The following PRKCB variants were observed in gnomAD, a reference collection of about 807,000 sequenced individuals.
PRKCB encodes the protein protein kinase C beta.
In PRKCB, 13 loss-of-function variants were observed where a neutral mutation model predicts 81.5. That is an observed-to-expected ratio of 0.16 (90% CI 0.10 to 0.25). PRKCB has a LOEUF of 0.25. Among genes scored for constraint, PRKCB ranks in the 10% least tolerant of loss-of-function variants. The pLI is 1.00. For missense variants in PRKCB, 509 were observed against 875.7 expected (o/e 0.58, Z 5.29); for synonymous variants, 335 against 321.4 (o/e 1.04, Z -0.45).
Position 23,941,375 on chromosome 16 carries a change from A to G in PRKCB, c.206-47133A>G, listed in dbSNP as rs890710788. ...TTTTTAAAACATTTCTCTAGACCAT[A>G]GGGAAAAAGGACACTGTCTCACTTC... On this transcript the variant is annotated intron_variant, in intron 2 of 16. Transcript: ENST00000643927. Among the ~76,000 whole-genome samples, 5 of 152,240 alleles carry G rather than the reference A, an allele frequency of 3.3e-5. No individual in the cohort carries two copies. The South Asian group carries it at 1.0e-3, about 32-fold the overall frequency.
chr16:24,126,076 G>C (rs1189436744), intron 9 of PRKCB, among the ~76,000 whole-genome samples: 1 of 152,216 alleles, frequency 6.6e-6, no homozygotes, highest in Non-Finnish European at 1.5e-5. Flanking sequence ...TCTGGGAAGA[G>C]AGATGTCCAC....
chr16:24,158,588 ATGTATATG>A (rs1479840772), intron 10 of PRKCB, among the ~76,000 whole-genome samples: 17 of 146,044 alleles, frequency 1.2e-4, no homozygotes, highest in African/African-American at 4.4e-4. Flanking sequence ...GTATATGTAT[ATGTATATG>A]TGTGTGTATG....
At chr16:23,976,528 T>C (rs1383601203) in intron 2 of PRKCB, among the ~76,000 whole-genome samples, 2 of 152,200 alleles carry the variant, frequency 1.3e-5, no homozygotes, top group Non-Finnish European at 2.9e-5. Flanking sequence ...CAGCCTTAGC[T>C]GGCCCACACA....
At chr16:23,976,297 CA>C (rs1204934230) in intron 2 of PRKCB, among the ~76,000 whole-genome samples, 1 of 151,744 alleles carries the variant, frequency 6.6e-6, no homozygotes, top group Admixed American at 6.6e-5. Flanking sequence ...GATTCTGTCT[CA>C]AAAAAACCCA....
chr16:24,003,604 C>T (rs781074575), intron 3 of PRKCB, among the ~76,000 whole-genome samples: 12 of 152,092 alleles, frequency 7.9e-5, no homozygotes, highest in Non-Finnish European at 1.5e-4. Flanking sequence ...AGGCTGGTCT[C>T]GAACTCCTGA....
At chr16:23,906,002 A>G (rs1229010495) in intron 2 of PRKCB, among the ~76,000 whole-genome samples, 1 of 152,176 alleles carries the variant, frequency 6.6e-6, no homozygotes, top group Non-Finnish European at 1.5e-5. Context: ...AGCTATTATA[A>G]ACAATAAGGT....
Position 24,214,918 on chromosome 16 carries a change from A to T in PRKCB, c.*102A>T. ...CATTGCCAAGTTGCATCCATGTTTG[A>T]TTTTCTGATGAGACTAGAGTGACAG... On this transcript the variant is annotated 3_prime_UTR_variant, in exon 17 of 17. Transcript: ENST00000643927. The T allele has an allele frequency of 6.5e-7, 1 of 1,549,986 alleles. No individual in the cohort carries two copies. Among genetic ancestry groups the T allele is most frequent in the Admixed American group, 1.8e-5 (1 of 55,430 alleles).
chr16:23,964,958 C>T (rs1418241069), intron 2 of PRKCB, among the ~76,000 whole-genome samples: 2 of 152,194 alleles, frequency 1.3e-5, no homozygotes, highest in East Asian at 3.9e-4. Flanking sequence ...GTGTGAGCTA[C>T]CATGCCTGGT....
intron 3 of PRKCB, among the ~76,000 whole-genome samples, chr16:24,021,041 T>TCCCTCCCTCCCTC (rs1965366833): frequency 1.8e-5 from 1 of 55,768 alleles, no homozygotes; most frequent in African/African-American, 7.8e-5. Flanking sequence ...TCTTTCTTTC[T>TCCCTCCCTCCCTC]CTTTCTTTCT....
At chr16:23,990,337 A>C (rs1319690398) in intron 3 of PRKCB, among the ~76,000 whole-genome samples, 1 of 152,004 alleles carries the variant, frequency 6.6e-6, no homozygotes, top group Non-Finnish European at 1.5e-5. Context: ...GGGCGCCTGT[A>C]GTCCTAGCTC....
chr16:24,084,915 C>T (rs966791767), intron 5 of PRKCB, among the ~76,000 whole-genome samples: 3 of 152,068 alleles, frequency 2.0e-5, no homozygotes, highest in Non-Finnish European at 2.9e-5. Flanking sequence ...CATGAAGCCC[C>T]TATGTGTGAC....
Position 23,836,061 on chromosome 16 carries a change from CCCGCGGCCCCGGGTGCAGCAGCGG to C in PRKCB, c.-110_-87del, listed in dbSNP as rs1417259806. The C allele has an allele frequency of 2.6e-6, 2 of 763,018 alleles. No individual in the cohort carries two copies. Among genetic ancestry groups the C allele is most frequent in the African/African-American group, 3.8e-5 (2 of 52,342 alleles). 47.3% of individuals were successfully genotyped at this position (763,018 alleles called of 1,614,324 possible). A position where few individuals can be genotyped will look rare whatever the true frequency, so the allele number is the denominator to read the frequency against. On this transcript the variant is annotated 5_prime_UTR_variant, in exon 1 of 17. Transcript: ENST00000643927. ...CGCCAGAGCCGGCGCAGGGGAAGCG[CCCGCGGCCCCGGGTGCAGCAGCGG>C]CCGCCGCCTCCCGCGCCTCCCCGGC...
intron 3 of PRKCB, among the ~76,000 whole-genome samples, chr16:24,015,367 C>G (rs970486807): frequency 6.6e-6 from 1 of 152,238 alleles, no homozygotes; most frequent in Non-Finnish European, 1.5e-5. Context: ...TTTGCACATT[C>G]CAGCTATAGA....
At chr16:24,013,372 C>G (rs1241820902) in intron 3 of PRKCB, among the ~76,000 whole-genome samples, 1 of 152,176 alleles carries the variant, frequency 6.6e-6, no homozygotes, top group Non-Finnish European at 1.5e-5. Flanking sequence ...TATTTACTTA[C>G]ATGGTGACAA....
chr16:23,900,718 G>GTTTTTTTTTTTTTTT (rs56897816), intron 2 of PRKCB, among the ~76,000 whole-genome samples: 4 of 62,266 alleles, frequency 6.4e-5, no homozygotes, highest in African/African-American at 2.8e-4. Context: ...AGCTGCACAG[G>GTTTTTTTTTTTTTTT]TTTTTTTTTT....
chr16:24,069,135 A>G (rs1344940002), intron 5 of PRKCB, among the ~76,000 whole-genome samples: 1 of 152,160 alleles, frequency 6.6e-6, no homozygotes, highest in Non-Finnish European at 1.5e-5. Flanking sequence ...TCTATGGCAG[A>G]GCTGATCTGC....
intron 8 of PRKCB, among the ~76,000 whole-genome samples, chr16:24,116,480 G>A (rs1489552200): frequency 2.0e-5 from 3 of 152,028 alleles, no homozygotes; most frequent in South Asian, 2.1e-4. Context: ...ATGCCCACCC[G>A]ACATGCTGGA....
intron 15 of PRKCB, among the ~76,000 whole-genome samples, chr16:24,187,047 C>T (rs924075036): frequency 3.3e-5 from 5 of 151,508 alleles, no homozygotes; most frequent in Non-Finnish European, 5.9e-5. Context: ...CACAGGCCCC[C>T]GTAGACAAGT....
At chr16:23,874,434 G>A (rs933220320) in intron 2 of PRKCB, among the ~76,000 whole-genome samples, 10 of 152,082 alleles carry the variant, frequency 6.6e-5, no homozygotes, top group South Asian at 2.1e-4. Context: ...TGTGTGAAAC[G>A]TCCTAGATAT....
Sources: gnomAD v4.1 joint callset for allele counts (sites outside exome capture counted in the v4.1 genomes callset) on GRCh38, gnomAD v4.1.1 for gene constraint, MANE v1.5 for transcripts, NCBI Gene and HGNC (gene_info 2026-07-23, HGNC 2026-07-21) for gene names.